TFEC: variants seen among roughly 807,000 people sequenced by gnomAD.
TFEC encodes the protein transcription factor EC.
Under a neutral mutation model 41.6 loss-of-function variants are expected in TFEC, and 31 were observed. That is an observed-to-expected ratio of 0.74 (90% CI 0.56 to 1.01). The LOEUF (loss-of-function observed/expected upper bound fraction) is 1.01. Among genes scored for constraint, TFEC ranks in the 50% least tolerant of loss-of-function variants. The pLI is 0.00. For synonymous variants in TFEC, 143 were observed against 140.6 expected (o/e 1.02, Z -0.12); for missense variants, 402 against 404.1 (o/e 0.99, Z 0.04).
chr7:116,055,698 T>C (rs1796413950), intron 3 of TFEC, among the ~76,000 whole-genome samples: 1 of 152,058 alleles, frequency 6.6e-6, no homozygotes, highest in African/African-American at 2.4e-5. Context: ...ATCTCAATGA[T>C]TGCCACAATT....
At chr7:116,158,577 G>A (rs1026919582) in intron 1 of TFEC, among the ~76,000 whole-genome samples, 4 of 151,882 alleles carry the variant, frequency 2.6e-5, no homozygotes, top group East Asian at 1.9e-4. Flanking sequence ...TCAAAATAGC[G>A]AAAAGTGTGC....
intron 3 of TFEC, among the ~76,000 whole-genome samples, chr7:116,101,188 G>GCCC (rs150112321): frequency 1.8e-5 from 2 of 109,832 alleles, no homozygotes; most frequent in Non-Finnish European, 3.7e-5. Flanking sequence ...CCACTTTCAT[G>GCCC]CCCCCCCCCA....
At chr7:116,053,551 A>T (rs748743277) in intron 3 of TFEC, among the ~76,000 whole-genome samples, 1 of 152,240 alleles carries the variant, frequency 6.6e-6, no homozygotes, top group Non-Finnish European at 1.5e-5. Flanking sequence ...TGATTTGATC[A>T]TGAGGGCAGA....
Position 115,939,233 on chromosome 7 carries a change from T to A in TFEC, c.*1318A>T, listed in dbSNP as rs1232926493. On this transcript the variant is annotated 3_prime_UTR_variant, in exon 8 of 8. Transcript: ENST00000265440. ...TCTTCTACATTTTCTCAGGACTCAC[T>A]GCAGTTCTGAGTATGCCTCCATGAA... is the stretch of plus-strand genomic sequence containing the variant. 6.6e-6 allele frequency: 1 copy of A among 152,042 alleles called. No individual in the cohort carries two copies. Among genetic ancestry groups the A allele is most frequent in the African/African-American group, 2.4e-5 (1 of 41,420 alleles). The allele number at this position is 152,042 out of a possible 1,614,324, so 9.4% of individuals were successfully genotyped here.
chr7:116,094,725 C>A (rs576526860), intron 3 of TFEC, among the ~76,000 whole-genome samples: 2 of 151,704 alleles, frequency 1.3e-5, no homozygotes, highest in South Asian at 2.1e-4. Flanking sequence ...AAAACAACAA[C>A]AAAAAAAACA....
chr7:116,151,955 G>A (rs1397550736), intron 1 of TFEC, among the ~76,000 whole-genome samples: 1 of 151,936 alleles, frequency 6.6e-6, no homozygotes, highest in African/African-American at 2.4e-5. Flanking sequence ...AAGTAGAATA[G>A]TTTAAACAAA....
chr7:116,090,450 C>T (rs1270758718), intron 3 of TFEC, among the ~76,000 whole-genome samples: 1 of 152,074 alleles, frequency 6.6e-6, no homozygotes, highest in Non-Finnish European at 1.5e-5. Flanking sequence ...TTCATTCTTT[C>T]CTTGCTTTGT....
intron 3 of TFEC, among the ~76,000 whole-genome samples, chr7:116,077,685 C>T (rs1416488943): frequency 1.3e-5 from 2 of 151,958 alleles, no homozygotes; most frequent in Non-Finnish European, 2.9e-5. Context: ...CAAAGAGGGA[C>T]ATTATATAGT....
rs1293467002 is a variant in TFEC at position 115,936,863 on chromosome 7, A to T, written c.*3688T>A. 6.6e-6 allele frequency: 1 copy of T among 151,598 alleles called. No individual in the cohort carries two copies. Among genetic ancestry groups the T allele is most frequent in the Admixed American group, 6.6e-5 (1 of 15,176 alleles). The allele number at this position is 151,598 out of a possible 1,614,324, so 9.4% of individuals were successfully genotyped here. A position where few individuals can be genotyped will look rare whatever the true frequency, so the allele number is the denominator to read the frequency against. On this transcript the variant is annotated 3_prime_UTR_variant, in exon 8 of 8. Coordinates refer to ENST00000265440, the MANE Select transcript of TFEC (RefSeq NM_012252.4). ...GGCTATTTCTCAATGTCCCCAGCTC[A>T]TCTGGCTATTTATTATTTAGGGCTT... is the stretch of plus-strand genomic sequence containing the variant.
At chr7:116,142,449 G>A (rs1160213383) in intron 1 of TFEC, among the ~76,000 whole-genome samples, 2 of 152,070 alleles carry the variant, frequency 1.3e-5, no homozygotes, top group African/African-American at 4.8e-5. Context: ...CAATTGTACT[G>A]TATGACTCCC....
chr7:116,132,593 G>T (rs965304319), intron 1 of TFEC, among the ~76,000 whole-genome samples: 1 of 152,156 alleles, frequency 6.6e-6, no homozygotes, highest in African/African-American at 2.4e-5. Context: ...ACTGACTAGC[G>T]GTTTGGTGCC....
intron 3 of TFEC, among the ~76,000 whole-genome samples, chr7:115,961,258 C>A (rs551355023): frequency 6.6e-6 from 1 of 151,608 alleles, no homozygotes; most frequent in African/African-American, 2.4e-5. Flanking sequence ...TCAAAAGAAA[C>A]CCTCAACACA....
At chr7:116,048,173 A>G (rs1562950608) in intron 3 of TFEC, among the ~76,000 whole-genome samples, 1 of 152,200 alleles carries the variant, frequency 6.6e-6, no homozygotes, top group Non-Finnish European at 1.5e-5. Flanking sequence ...TGGTAATAAT[A>G]AACTTCTCCG....
rs1184460390 is a variant in TFEC, at chr7:115,974,441, TATATATATAA to T, written c.181-195_181-186del. Among the ~76,000 whole-genome samples the T allele has an allele frequency of 9.1e-3, 468 of 51,544 alleles. 18 individuals are homozygous for T. The highest frequency in any genetic ancestry group is 0.017 in the African/African-American group (240 of 13,740). The allele number at this position is 51,544 out of a possible 152,430, so 33.8% of individuals were successfully genotyped here. A position where few individuals can be genotyped will look rare whatever the true frequency, so the allele number is the denominator to read the frequency against. ...ATATATATATATATATATATATATA[TATATATATAA>T]AAACACAGATTACTTTAGCATTGAA... On this transcript the variant is annotated intron_variant, in intron 2 of 7. Transcript: ENST00000265440.
Position 115,940,714 on chromosome 7 carries a change from A to C in TFEC, c.881T>G (p.Phe294Cys), listed in dbSNP as rs1562873294. Residue 294 changes from phenylalanine (F) to cysteine (C), a missense_variant, in exon 8 of 8, where the codon TTT (phenylalanine) becomes TGT (cysteine). Phe to Cys is a radical substitution (Grantham distance 205). Transcript: ENST00000265440. ...TTGTTCCTCTTTCAATGCAGCACTA[A>C]ATGATAAATCTGTGAAGTATGACAA... ...DPLSYFTDLS[F>C]SAALKEEQRL... 6.2e-7 allele frequency: 1 copy of C among 1,613,588 alleles called. No individual in the cohort carries two copies. Among genetic ancestry groups the C allele is most frequent in the Non-Finnish European group, 8.5e-7 (1 of 1,179,658 alleles).
intron 3 of TFEC, among the ~76,000 whole-genome samples, chr7:116,055,158 G>C (rs548170176): frequency 3.6e-4 from 55 of 152,156 alleles, no homozygotes; most frequent in Non-Finnish European, 6.9e-4. Flanking sequence ...CAGGAAAATA[G>C]CCTATGCATT....
intron 6 of TFEC, among the ~76,000 whole-genome samples, chr7:115,948,367 A>G (rs1791725926): frequency 6.6e-6 from 1 of 152,122 alleles, no homozygotes; most frequent in African/African-American, 2.4e-5. Flanking sequence ...CATCATCCTG[A>G]TACCAAAGCC....
chr7:115,968,827 A>G (rs1792995277), intron 3 of TFEC, among the ~76,000 whole-genome samples: 1 of 151,894 alleles, frequency 6.6e-6, no homozygotes, highest in Non-Finnish European at 1.5e-5. Flanking sequence ...GCCATTCATT[A>G]ACTATATGAA....
At chr7:116,053,076 AAAAG>A (rs774470652) in intron 3 of TFEC, among the ~76,000 whole-genome samples, 3 of 152,138 alleles carry the variant, frequency 2.0e-5, no homozygotes, top group South Asian at 2.1e-4. Flanking sequence ...CATTTAAAAA[AAAAG>A]AAAGAAAGAA....
Sources: allele counts gnomAD v4.1 joint callset (sites outside exome capture counted in the v4.1 genomes callset), GRCh38; gene constraint gnomAD v4.1.1; transcripts MANE v1.5; gene names NCBI Gene and HGNC (gene_info 2026-07-23, HGNC 2026-07-21).